Variants in FYN observed in about 807,000 individuals in gnomAD.
The protein encoded by FYN is FYN proto-oncogene, Src family tyrosine kinase.
In FYN, 10 loss-of-function variants were observed where a neutral mutation model predicts 70.2. The ratio of observed to expected loss-of-function variants is 0.14; its 90% CI spans 0.09 to 0.24. FYN has a LOEUF of 0.24. Among genes scored for constraint, FYN ranks in the 10% least tolerant of loss-of-function variants. The pLI, the probability that FYN is intolerant of heterozygous loss-of-function variation, is 1.00. For missense variants in FYN, 319 were observed against 673.1 expected (o/e 0.47, Z 5.82); for synonymous variants, 236 against 248.6 (o/e 0.95, Z 0.48).
chr6:111,705,928 G>C (rs553921481), intron 6 of FYN, among the ~76,000 whole-genome samples: 1 of 152,176 alleles, frequency 6.6e-6, no homozygotes, highest in African/African-American at 2.4e-5. Flanking sequence ...GATTACAGGA[G>C]GGAGCCATCA....
chr6:111,837,529 G>A (rs1007885074), intron 2 of FYN, among the ~76,000 whole-genome samples: 7 of 152,068 alleles, frequency 4.6e-5, no homozygotes, highest in African/African-American at 1.4e-4. Context: ...GAATCCACTC[G>A]ACGTCAAAGT....
intron 2 of FYN, among the ~76,000 whole-genome samples, chr6:111,843,019 T>C (rs532040372): frequency 6.6e-6 from 1 of 152,384 alleles, no homozygotes; most frequent in African/African-American, 2.4e-5. Context: ...TCGGAAGGCC[T>C]CTGTGTCTAT....
At chr6:111,793,135 A>G (rs1334269133) in intron 2 of FYN, among the ~76,000 whole-genome samples, 1 of 152,208 alleles carries the variant, frequency 6.6e-6, no homozygotes, top group African/African-American at 2.4e-5. Flanking sequence ...AATTTAATTT[A>G]AGCAAGATAA....
intron 10 of FYN, among the ~76,000 whole-genome samples, chr6:111,696,027 G>A (rs573559825): frequency 6.6e-6 from 1 of 152,324 alleles, no homozygotes; most frequent in East Asian, 1.9e-4. Context: ...ATGGAGAGGA[G>A]CTTGAATTTC....
chr6:111,856,736 T>TC (rs1039683129), intron 1 of FYN, among the ~76,000 whole-genome samples: 3 of 151,694 alleles, frequency 2.0e-5, no homozygotes, highest in Admixed American at 6.6e-5. Context: ...CTCTCTTGGC[T>TC]CCCCCCCGAC....
intron 6 of FYN, 90 bp from the exon 7 acceptor site, chr6:111,704,192 C>T: frequency 1.0e-6 from 1 of 981,314 alleles, no homozygotes; most frequent in Non-Finnish European, 1.6e-6. Context: ...ATGAATTCCC[C>T]TCTCCTCCAA....
At chr6:111,830,211 C>T (rs534695819) in intron 2 of FYN, among the ~76,000 whole-genome samples, 26 of 152,204 alleles carry the variant, frequency 1.7e-4, no homozygotes, top group Non-Finnish European at 3.2e-4. Context: ...AGATGCCCAA[C>T]GATGGCTTGT....
At chr6:111,676,139 G>GTAATA (rs1305426167) in intron 12 of FYN, among the ~76,000 whole-genome samples, 2 of 152,150 alleles carry the variant, frequency 1.3e-5, no homozygotes, top group African/African-American at 4.8e-5. Context: ...AATAGCCAGA[G>GTAATA]GTATGATAAA....
At chr6:111,821,611 A>T (rs1389240229) in intron 2 of FYN, among the ~76,000 whole-genome samples, 1 of 152,236 alleles carries the variant, frequency 6.6e-6, no homozygotes, top group Non-Finnish European at 1.5e-5. Context: ...AAGCCATGGC[A>T]ACAAAAGCCA....
At chr6:111,845,579 G>A (rs1231633869) in intron 2 of FYN, among the ~76,000 whole-genome samples, 3 of 152,132 alleles carry the variant, frequency 2.0e-5, no homozygotes, top group Non-Finnish European at 2.9e-5. Flanking sequence ...AGAGACAAAC[G>A]AGCTGCATTC....
intron 8 of FYN, among the ~76,000 whole-genome samples, chr6:111,702,211 T>C (rs565513825): frequency 8.7e-4 from 132 of 152,302 alleles, no homozygotes; most frequent in African/African-American, 3.0e-3. Context: ...ATTTTAACAA[T>C]TGCACATAAA....
chr6:111,698,946 G>C (rs1799701801), intron 9 of FYN, among the ~76,000 whole-genome samples: 1 of 152,168 alleles, frequency 6.6e-6, no homozygotes, highest in Non-Finnish European at 1.5e-5. Context: ...AGCTGGGCGT[G>C]GTGGCAGGCA....
chr6:111,829,692 T>C lies in FYN; in HGVS notation c.-82+16897A>G, dbSNP rs78789986. 8.5e-5 allele frequency among the ~76,000 whole-genome samples: 13 copies of C among 152,346 alleles called. No individual in the cohort carries two copies. In the East Asian group the frequency reaches 2.3e-3, roughly 27 times the overall value. Reference sequence around the variant, plus strand: ...CCTTAGACAAGTTATTTAGCTTCCCTGACTTGCGGCTTGTTCAGCTGTCGG... The same window carrying C: ...CCTTAGACAAGTTATTTAGCTTCCCCGACTTGCGGCTTGTTCAGCTGTCGG... On this transcript the variant is annotated intron_variant, in intron 2 of 13. Transcript: ENST00000354650.
chr6:111,692,672 A>C (rs1271729438), intron 12 of FYN, among the ~76,000 whole-genome samples: 1 of 152,162 alleles, frequency 6.6e-6, no homozygotes, highest in Admixed American at 6.5e-5. Context: ...CACACACAGA[A>C]GGGTGAGCAC....
At chr6:111,871,048 A>C (rs1774257825) in intron 1 of FYN, among the ~76,000 whole-genome samples, 1 of 152,262 alleles carries the variant, frequency 6.6e-6, no homozygotes, top group Non-Finnish European at 1.5e-5. Context: ...AAAATTACTG[A>C]AGACTAAACC....
chr6:111,808,271 A>G (rs998329547), intron 2 of FYN, among the ~76,000 whole-genome samples: 3 of 152,192 alleles, frequency 2.0e-5, no homozygotes, highest in African/African-American at 7.2e-5. Flanking sequence ...CCCTCAAATT[A>G]TCACAAAGGG....
At chr6:111,866,489 G>C (rs971658763) in intron 1 of FYN, among the ~76,000 whole-genome samples, 2 of 152,192 alleles carry the variant, frequency 1.3e-5, no homozygotes, top group African/African-American at 4.8e-5. Flanking sequence ...TTACAGGCCT[G>C]TGCCACCACA....
At chr6:111,673,622 G>GTTTTTTTTT (rs71021858) in intron 13 of FYN, among the ~76,000 whole-genome samples, 2,609 of 116,394 alleles carry the variant, frequency 0.022, 237 homozygotes, top group South Asian at 0.048. Flanking sequence ...TTCTATCATT[G>GTTTTTTTTT]TTTTTTTTTT....
chr6:111,720,110 T>C lies in FYN; in HGVS notation c.-11-48A>G, dbSNP rs888471767. The C allele has an allele frequency of 7.1e-6, 11 of 1,542,450 alleles. No homozygotes were observed. The African/African-American group carries it at 1.5e-4, about 21-fold the overall frequency. On this transcript the variant is annotated intron_variant, in intron 3 of 13. Coordinates refer to ENST00000354650, the MANE Select transcript of FYN (RefSeq NM_002037.5). ...CACGTAAGCTGGGATGCTCCCTAGT[T>C]GCTGGGTTGCTCTACAGTAAACGAG... is the stretch of plus-strand genomic sequence containing the variant.
Sources: gnomAD v4.1 joint callset for allele counts (sites outside exome capture counted in the v4.1 genomes callset) on GRCh38, gnomAD v4.1.1 for gene constraint, MANE v1.5 for transcripts, NCBI Gene and HGNC (gene_info 2026-07-23, HGNC 2026-07-21) for gene names.